The following FHIT variants were observed in gnomAD, a reference collection of about 807,000 sequenced individuals.
FHIT encodes the protein bis(5'-adenosyl)-triphosphatase.
In FHIT, 19 loss-of-function variants were observed where a neutral mutation model predicts 17.9. That is an observed-to-expected ratio of 1.06 (90% confidence interval 0.74 to 1.56). The LOEUF (loss-of-function observed/expected upper bound fraction) is 1.56. Among genes scored for constraint, FHIT ranks in the 40% most tolerant of loss-of-function variants. The pLI, the probability that FHIT is intolerant of heterozygous loss-of-function variation, is 0.00. For synonymous variants in FHIT, 81 were observed against 69.7 expected, an observed-to-expected ratio of 1.16 and a Z score of -0.81; for missense variants, 248 against 189.2, an observed-to-expected ratio of 1.31 and a Z score of -1.82.
At chr3:60,812,029 C>T (rs140921715) in intron 4 of FHIT, among the ~76,000 whole-genome samples, 1,671 of 152,218 alleles carry the variant, frequency 0.011, 19 homozygotes, top group African/African-American at 0.037. Flanking sequence ...CCAAACTTCA[C>T]GCACTGATGT....
At chr3:60,248,735 C>T (rs1705533007) in intron 5 of FHIT, among the ~76,000 whole-genome samples, 3 of 152,068 alleles carry the variant, frequency 2.0e-5, no homozygotes, top group African/African-American at 7.2e-5. Flanking sequence ...CTACATATGC[C>T]ACTTTAGCAT....
chr3:60,196,076 A>G (rs1559718094), intron 5 of FHIT, among the ~76,000 whole-genome samples: 1 of 152,194 alleles, frequency 6.6e-6, no homozygotes, highest in African/African-American at 2.4e-5. Context: ...TTAATCAACC[A>G]GTTACTGAGG....
chr3:60,294,975 G>T (rs1576435325), intron 5 of FHIT, among the ~76,000 whole-genome samples: 1 of 152,146 alleles, frequency 6.6e-6, no homozygotes, highest in African/African-American at 2.4e-5. Context: ...TATGAATAAA[G>T]CTGCTAGGAA....
intron 4 of FHIT, among the ~76,000 whole-genome samples, chr3:60,737,934 T>C (rs1553713030): frequency 6.6e-6 from 1 of 152,148 alleles, no homozygotes; most frequent in African/African-American, 2.4e-5. Flanking sequence ...GGGACCATAA[T>C]ATTAAGCAGC....
At chr3:60,032,279 G>C (rs553137469) in intron 5 of FHIT, among the ~76,000 whole-genome samples, 1 of 151,956 alleles carries the variant, frequency 6.6e-6, no homozygotes, top group African/African-American at 2.4e-5. Flanking sequence ...GGGCAAAGTA[G>C]TGAGACCCCA....
At chr3:60,889,942 G>T (rs1705426090) in intron 3 of FHIT, among the ~76,000 whole-genome samples, 1 of 152,250 alleles carries the variant, frequency 6.6e-6, no homozygotes, top group East Asian at 1.9e-4. Flanking sequence ...ATATGTCTAT[G>T]TCTGTGCACA....
At chr3:61,142,112 C>CT (rs1166418156) in intron 2 of FHIT, among the ~76,000 whole-genome samples, 2 of 146,884 alleles carry the variant, frequency 1.4e-5, no homozygotes, top group East Asian at 3.9e-4. Context: ...AATGCTTTCT[C>CT]TTAAAAAAAA....
intron 5 of FHIT, among the ~76,000 whole-genome samples, chr3:60,312,015 C>T (rs1309636030): frequency 6.6e-6 from 1 of 152,090 alleles, no homozygotes; most frequent in Non-Finnish European, 1.5e-5. Context: ...CCGTGACCAG[C>T]ATGTTTTAAA....
At chr3:61,217,484 A>G (rs1031859634) in intron 1 of FHIT, among the ~76,000 whole-genome samples, 3 of 152,210 alleles carry the variant, frequency 2.0e-5, no homozygotes, top group African/African-American at 7.2e-5. Flanking sequence ...ATGGTGGCTG[A>G]GTTCCAAAGA....
At chr3:61,046,457 G>A (rs2033792390) in intron 2 of FHIT, among the ~76,000 whole-genome samples, 1 of 152,100 alleles carries the variant, frequency 6.6e-6, no homozygotes, top group Non-Finnish European at 1.5e-5. Flanking sequence ...TTGAATCTCT[G>A]AATAGACCAA....
chr3:60,795,608 G>A (rs1402071012), intron 4 of FHIT, among the ~76,000 whole-genome samples: 2 of 151,424 alleles, frequency 1.3e-5, no homozygotes, highest in African/African-American at 4.9e-5. Context: ...TAAACTTCCT[G>A]GGCTCAAGTG....
At chr3:60,069,360 T>A (rs1315219850) in intron 5 of FHIT, among the ~76,000 whole-genome samples, 1 of 152,224 alleles carries the variant, frequency 6.6e-6, no homozygotes, top group Non-Finnish European at 1.5e-5. Context: ...TATAGTTTAA[T>A]CCCAACCTGT....
At chr3:60,275,108 T>G (rs373663223) in intron 5 of FHIT, among the ~76,000 whole-genome samples, 3 of 152,222 alleles carry the variant, frequency 2.0e-5, no homozygotes, top group African/African-American at 7.2e-5. Context: ...CATTTATTTG[T>G]GATAACTAGA....
chr3:59,880,702 G>C (rs1273572869), intron 8 of FHIT, among the ~76,000 whole-genome samples: 6 of 152,154 alleles, frequency 3.9e-5, no homozygotes, highest in Admixed American at 3.9e-4. Context: ...GATAGTATCA[G>C]GCATACAGGA....
At position 60,798,437 on chromosome 3, in the gene FHIT, G is replaced by A. The variant is rs137915454; in HGVS notation, c.-18+23482C>T. ...TGATATTTGGCCCATTTTCAATCAC[G>A]TAAAAACTAGGGCTTCACCTATACA... On this transcript the variant is annotated intron_variant, in intron 4 of 9. Coordinates refer to ENST00000492590, the MANE Select transcript of FHIT (RefSeq NM_002012.4). 4.6e-5 allele frequency among the ~76,000 whole-genome samples: 7 copies of A among 152,264 alleles called. No homozygotes were observed. In the South Asian group the frequency reaches 1.2e-3, roughly 27 times the overall value.
At chr3:61,004,313 G>A (rs2031298543) in intron 3 of FHIT, among the ~76,000 whole-genome samples, 1 of 152,232 alleles carries the variant, frequency 6.6e-6, no homozygotes, top group East Asian at 1.9e-4. Context: ...TAAAGTGTTT[G>A]CCCAGTGTAC....
At chr3:60,345,841 G>T (rs1710748125) in intron 5 of FHIT, among the ~76,000 whole-genome samples, 1 of 150,694 alleles carries the variant, frequency 6.6e-6, no homozygotes, top group Non-Finnish European at 1.5e-5. Flanking sequence ...GAAACACCTG[G>T]TTTCACAGTT....
intron 2 of FHIT, among the ~76,000 whole-genome samples, chr3:61,169,391 T>C (rs571628425): frequency 6.6e-6 from 1 of 152,306 alleles, no homozygotes; most frequent in African/African-American, 2.4e-5. Context: ...TCTCAAATCA[T>C]ATAAGTAAAA....
intron 2 of FHIT, among the ~76,000 whole-genome samples, chr3:61,194,809 G>A (rs2038809972): frequency 6.6e-6 from 1 of 152,104 alleles, no homozygotes; most frequent in South Asian, 2.1e-4. Flanking sequence ...TACTTCAGAG[G>A]GTGATGGGAA....
Sources: allele counts gnomAD v4.1 joint callset (sites outside exome capture counted in the v4.1 genomes callset), GRCh38; gene constraint gnomAD v4.1.1; transcripts MANE v1.5; gene names NCBI Gene and HGNC (gene_info 2026-07-23, HGNC 2026-07-21).